PPARGC1A: variants seen among roughly 807,000 people sequenced by gnomAD.
PPARGC1A encodes the protein peroxisome proliferator-activated receptor gamma coactivator 1-alpha.
In PPARGC1A, 25 loss-of-function variants were observed where a neutral mutation model predicts 88.7. The ratio of observed to expected loss-of-function variants is 0.28; its 90% CI spans 0.21 to 0.39. The LOEUF (loss-of-function observed/expected upper bound fraction) is 0.39, where lower values mean the gene tolerates loss of function less well. Among genes scored for constraint, PPARGC1A ranks in the 10% least tolerant of loss-of-function variants. The probability of loss-of-function intolerance (pLI) is 1.00; values close to 1 mark genes in which losing one functional copy is unlikely to be tolerated. For missense variants in PPARGC1A, 880 were observed against 968.7 expected, an observed-to-expected ratio of 0.91 and a Z score of 1.22; for synonymous variants, 363 against 355.6, an observed-to-expected ratio of 1.02 and a Z score of -0.24.
chr4:24,406,652 C>T, the PPARGC1A span, among the ~76,000 whole-genome samples: 1 of 152,184 alleles, frequency 6.6e-6, no homozygotes, highest in Non-Finnish European at 1.5e-5. Context: ...TAGAGACCCA[C>T]AGAGCTGAGC....
At chr4:24,396,802 A>G in the PPARGC1A span, among the ~76,000 whole-genome samples, 3 of 152,216 alleles carry the variant, frequency 2.0e-5, no homozygotes, top group African/African-American at 7.2e-5. Context: ...CCTTCATAAA[A>G]AGGTCCTCTA....
chr4:23,874,855 T>G (rs549746018), intron 2 of PPARGC1A, among the ~76,000 whole-genome samples: 2 of 152,292 alleles, frequency 1.3e-5, no homozygotes, highest in South Asian at 4.1e-4. Flanking sequence ...CTTCAACCAA[T>G]TTACAAGTGT....
the PPARGC1A span, among the ~76,000 whole-genome samples, chr4:23,965,331 T>C: frequency 6.6e-6 from 1 of 152,210 alleles, no homozygotes; most frequent in Non-Finnish European, 1.5e-5. Context: ...AGAGTTCACC[T>C]CTTATCATTT....
At chr4:23,803,574 G>GT (rs1222157891) in intron 10 of PPARGC1A, among the ~76,000 whole-genome samples, 1 of 152,126 alleles carries the variant, frequency 6.6e-6, no homozygotes, top group Non-Finnish European at 1.5e-5. Flanking sequence ...CATTCTTAGT[G>GT]TAAGAAGCAA....
At chr4:24,238,164 A>C in the PPARGC1A span, among the ~76,000 whole-genome samples, 1 of 152,260 alleles carries the variant, frequency 6.6e-6, no homozygotes, top group Admixed American at 6.5e-5. Context: ...GACTCTGCCA[A>C]GTTTTGTAAT....
At chr4:24,040,952 T>C in the PPARGC1A span, among the ~76,000 whole-genome samples, 6 of 152,172 alleles carry the variant, frequency 3.9e-5, no homozygotes, top group Admixed American at 1.3e-4. Flanking sequence ...AACATGCAAA[T>C]AGAAAAAGCT....
the PPARGC1A span, among the ~76,000 whole-genome samples, chr4:24,188,830 A>T: frequency 6.6e-6 from 1 of 152,126 alleles, no homozygotes; most frequent in African/African-American, 2.4e-5. Flanking sequence ...GGTCTCAAAA[A>T]TATATTTATA....
chr4:23,979,995 C>T, the PPARGC1A span, among the ~76,000 whole-genome samples: 1 of 151,978 alleles, frequency 6.6e-6, no homozygotes, highest in African/African-American at 2.4e-5. Context: ...GGGGAATTAG[C>T]CCACTGAAAA....
the PPARGC1A span, among the ~76,000 whole-genome samples, chr4:24,375,013 TAAA>T: frequency 3.9e-5 from 5 of 127,436 alleles, no homozygotes; most frequent in Non-Finnish European, 3.3e-5. Context: ...CCCCCCACCC[TAAA>T]AAAAAAAAAA....
the PPARGC1A span, among the ~76,000 whole-genome samples, chr4:24,182,445 C>G: frequency 6.6e-6 from 1 of 152,130 alleles, no homozygotes; most frequent in Admixed American, 6.6e-5. Flanking sequence ...GTAAATAGTT[C>G]TGCAATAAAC....
chr4:24,166,306 A>G, the PPARGC1A span, among the ~76,000 whole-genome samples: 2 of 152,252 alleles, frequency 1.3e-5, no homozygotes, highest in African/African-American at 4.8e-5. Flanking sequence ...AGTCATCTCC[A>G]TAATGTAAGT....
At chr4:24,032,004 A>G in the PPARGC1A span, among the ~76,000 whole-genome samples, 3 of 152,212 alleles carry the variant, frequency 2.0e-5, no homozygotes, top group African/African-American at 7.2e-5. Flanking sequence ...CTCCTGTAAC[A>G]GAAGTATTCC....
chr4:24,000,066 CCTTA>C, the PPARGC1A span, among the ~76,000 whole-genome samples: 1 of 152,162 alleles, frequency 6.6e-6, no homozygotes, highest in South Asian at 2.1e-4. Context: ...TTCCTACCTT[CCTTA>C]CTTCCCTCCT....
chr4:24,157,445 C>A, the PPARGC1A span, among the ~76,000 whole-genome samples: 1 of 152,124 alleles, frequency 6.6e-6, no homozygotes, highest in South Asian at 2.1e-4. Context: ...TATTCTCTTC[C>A]TAGAAAATCT....
At chr4:24,207,107 A>G in the PPARGC1A span, among the ~76,000 whole-genome samples, 10 of 152,018 alleles carry the variant, frequency 6.6e-5, no homozygotes, top group Admixed American at 4.6e-4. Flanking sequence ...CTAGGTAATT[A>G]TACATAATTT....
intron 1 of PPARGC1A, among the ~76,000 whole-genome samples, chr4:23,895,155 A>G (rs1401180402): frequency 6.8e-6 from 1 of 147,046 alleles, no homozygotes; most frequent in African/African-American, 2.6e-5. Flanking sequence ...CAAATTGTTT[A>G]ACTGAAAAAA....
chr4:24,108,227 C>T, the PPARGC1A span, among the ~76,000 whole-genome samples: 1 of 152,136 alleles, frequency 6.6e-6, no homozygotes, highest in Admixed American at 6.5e-5. Context: ...GTTGAGGTCT[C>T]AAGGGACATA....
At chr4:24,116,866 A>G in the PPARGC1A span, among the ~76,000 whole-genome samples, 2 of 152,318 alleles carry the variant, frequency 1.3e-5, no homozygotes, top group African/African-American at 4.8e-5. Flanking sequence ...TCGTACATTA[A>G]AAGATTCAGT....
At chr4:24,400,592 A>G in the PPARGC1A span, among the ~76,000 whole-genome samples, 1 of 152,210 alleles carries the variant, frequency 6.6e-6, no homozygotes, top group Non-Finnish European at 1.5e-5. Flanking sequence ...AACCCTGACT[A>G]ATACAACACT....
Sources: allele counts gnomAD v4.1 joint callset (sites outside exome capture counted in the v4.1 genomes callset), GRCh38; gene constraint gnomAD v4.1.1; transcripts MANE v1.5; gene names NCBI Gene and HGNC (gene_info 2026-07-23, HGNC 2026-07-21).